SCAI: variants seen among roughly 807,000 people sequenced by gnomAD.
SCAI encodes protein SCAI.
Under a neutral mutation model 92.2 loss-of-function variants are expected in SCAI, and 24 were observed. That is an observed-to-expected ratio of 0.26 (90% CI 0.19 to 0.37). The LOEUF (loss-of-function observed/expected upper bound fraction) is 0.37, where lower values mean the gene tolerates loss of function less well. Ranked by LOEUF, SCAI falls within the 10% of genes least tolerant of loss-of-function variation. The pLI is 1.00. For missense variants in SCAI, 450 were observed against 736.2 expected, an observed-to-expected ratio of 0.61 and a Z score of 4.50; for synonymous variants, 261 against 258.6, an observed-to-expected ratio of 1.01 and a Z score of -0.09.
At chr9:124,966,848 A>T (rs1170366896) in intron 17 of SCAI, among the ~76,000 whole-genome samples, 4 of 151,574 alleles carry the variant, frequency 2.6e-5, no homozygotes, top group African/African-American at 9.7e-5. Flanking sequence ...CCTGGCTTCA[A>T]GCAGTCCTCC....
rs1409405700 is a variant in SCAI at position 124,945,116 on chromosome 9, T to C, written c.*7691A>G. ...ACCAAAATAGGAAATTGATACCCAA[T>C]TTATAGTCTATGATGAAATTTAGGC... On this transcript the variant is annotated 3_prime_UTR_variant, in exon 18 of 18. Coordinates refer to ENST00000336505, the MANE Select transcript of SCAI (RefSeq NM_001144877.3). 1 of 152,178 alleles carries C rather than the reference T, an allele frequency of 6.6e-6. No homozygotes were observed. The highest frequency in any genetic ancestry group is 1.5e-5 in the Non-Finnish European group (1 of 68,028). 9.4% of individuals were successfully genotyped at this position (152,178 alleles called of 1,614,324 possible).
intron 2 of SCAI, among the ~76,000 whole-genome samples, chr9:125,133,791 G>A (rs1302245438): frequency 6.6e-6 from 1 of 152,130 alleles, no homozygotes; most frequent in African/African-American, 2.4e-5. Context: ...GAGGACATTT[G>A]GAAGGGCTAG....
chr9:125,015,421 C>T (rs1007934494), intron 9 of SCAI, among the ~76,000 whole-genome samples: 4 of 151,782 alleles, frequency 2.6e-5, no homozygotes, highest in African/African-American at 9.6e-5. Context: ...AGCCAAAAAA[C>T]ACATGAAAAA....
At chr9:125,007,277 G>C (rs548192800) in intron 9 of SCAI, among the ~76,000 whole-genome samples, 2 of 152,198 alleles carry the variant, frequency 1.3e-5, no homozygotes, top group African/African-American at 2.4e-5. Context: ...AGCATAACTA[G>C]AGAGTATAGT....
intron 2 of SCAI, among the ~76,000 whole-genome samples, chr9:125,140,625 G>A (rs934736332): frequency 6.8e-6 from 1 of 148,012 alleles, no homozygotes; most frequent in East Asian, 2.0e-4. Context: ...AGGCCAAGGT[G>A]GTTGGATCAT....
intron 6 of SCAI, among the ~76,000 whole-genome samples, chr9:125,026,380 CAA>C (rs1250420836): frequency 2.2e-4 from 14 of 62,442 alleles, no homozygotes; most frequent in East Asian, 4.4e-4. Flanking sequence ...ACTCCACCTC[CAA>C]AAAAAAAAAA....
chr9:125,111,537 T>C (rs1588232706), intron 2 of SCAI, among the ~76,000 whole-genome samples: 2 of 151,398 alleles, frequency 1.3e-5, no homozygotes, highest in African/African-American at 4.8e-5. Context: ...CCTTAAAACA[T>C]TATGAGACTT....
intron 15 of SCAI, among the ~76,000 whole-genome samples, chr9:124,974,504 T>C (rs1831719405): frequency 6.6e-6 from 1 of 151,304 alleles, no homozygotes; most frequent in African/African-American, 2.4e-5. Context: ...ATGAGAAAAC[T>C]ATAGGCTTTA....
chr9:125,031,514 G>C (rs183008793), intron 3 of SCAI, among the ~76,000 whole-genome samples: 5 of 151,482 alleles, frequency 3.3e-5, no homozygotes, highest in Non-Finnish European at 7.4e-5. Context: ...CTACCAAAGT[G>C]CTGGGATTAC....
intron 14 of SCAI, among the ~76,000 whole-genome samples, chr9:124,980,221 TTAGA>T (rs1005090080): frequency 1.3e-5 from 2 of 152,094 alleles, no homozygotes; most frequent in African/African-American, 4.8e-5. Context: ...GCTTTTCCTC[TTAGA>T]TAGTGCTAAA....
chr9:125,138,236 C>T (rs750850875), intron 2 of SCAI, among the ~76,000 whole-genome samples: 10 of 148,446 alleles, frequency 6.7e-5, no homozygotes, highest in Non-Finnish European at 1.3e-4. Context: ...TTGGGGAAGT[C>T]GAACTATTAT....
chr9:125,141,108 A>G (rs1179447199), intron 2 of SCAI, among the ~76,000 whole-genome samples: 1 of 152,192 alleles, frequency 6.6e-6, no homozygotes, highest in Non-Finnish European at 1.5e-5. Flanking sequence ...ACATACTTGA[A>G]CGTTTTCCAA....
chr9:124,944,285 T>C lies in SCAI; in HGVS notation c.*8522A>G, dbSNP rs1286265073. ...TTAACAAAAACCATTCTTCAGGAAA[T>C]AGTAATAAAAATTCCTTTTTTTTTT... On this transcript the variant is annotated 3_prime_UTR_variant, in exon 18 of 18. Transcript: ENST00000336505. 6.6e-6 allele frequency: 1 copy of C among 151,372 alleles called. No homozygotes were observed. Among genetic ancestry groups the C allele is most frequent in the African/African-American group, 2.4e-5 (1 of 41,290 alleles). The allele number at this position is 151,372 out of a possible 1,614,324, so 9.4% of individuals were successfully genotyped here.
chr9:125,085,758 C>T (rs1355990612), intron 2 of SCAI, among the ~76,000 whole-genome samples: 6 of 152,264 alleles, frequency 3.9e-5, no homozygotes, highest in African/African-American at 9.6e-5. Context: ...CAAAGCGAGA[C>T]CTTGTCTCAA....
intron 6 of SCAI, among the ~76,000 whole-genome samples, chr9:125,026,028 G>A (rs1832958221): frequency 6.6e-6 from 1 of 152,180 alleles, no homozygotes; most frequent in Non-Finnish European, 1.5e-5. Flanking sequence ...AGATTCTCCA[G>A]AAGATCTCTG....
At chr9:125,071,873 T>C (rs73666667) in intron 2 of SCAI, among the ~76,000 whole-genome samples, 205 of 152,318 alleles carry the variant, frequency 1.3e-3, no homozygotes, top group Non-Finnish European at 1.8e-3. Flanking sequence ...TCCATACTTA[T>C]TGAGGAAACT....
chr9:125,138,293 T>C (rs1294510424), intron 2 of SCAI, among the ~76,000 whole-genome samples: 1 of 149,972 alleles, frequency 6.7e-6, no homozygotes, highest in Non-Finnish European at 1.5e-5. Context: ...TTCGCTCTTG[T>C]TGCCCAGGAT....
intron 17 of SCAI, among the ~76,000 whole-genome samples, chr9:124,970,244 C>G (rs1831631657): frequency 6.6e-6 from 1 of 152,122 alleles, no homozygotes; most frequent in African/African-American, 2.4e-5. Flanking sequence ...CAAACACTGC[C>G]TAGTGTTGCA....
Position 124,971,759 on chromosome 9 carries a change from C to T in SCAI, c.1485G>A (p.Met495Ile), listed in dbSNP as rs1216294741. Reference protein sequence around the residue: ...AFLFVSGLSSMRRGLWEKCQE... With the variant: ...AFLFVSGLSSIRRGLWEKCQE... ...GACACTTTTCCCATAGGCCTCTGCG[C>T]ATGCTTGACAATCCAGAGACAAATA... The change falls in exon 16 of 18, where the codon ATG becomes ATA. Residue 495 changes from methionine to isoleucine, a missense_variant. By Grantham distance (10) the Met-to-Ile change is conservative. This residue lies in a region of SCAI where 360 missense variants were observed against 601.8 expected (regional missense o/e 0.60). Coordinates refer to ENST00000336505, the MANE Select transcript of SCAI (RefSeq NM_001144877.3). The T allele has an allele frequency of 1.9e-6, 3 of 1,612,462 alleles. No homozygotes were observed. Among genetic ancestry groups the T allele is most frequent in the East Asian group, 2.2e-5 (1 of 44,860 alleles).
Sources: allele counts gnomAD v4.1 joint callset (sites outside exome capture counted in the v4.1 genomes callset), GRCh38; gene constraint gnomAD v4.1.1; regional missense constraint gnomAD v4.1.1; transcripts MANE v1.5; gene names NCBI Gene and HGNC (gene_info 2026-07-23, HGNC 2026-07-21).